The following GRID2 variants were observed in gnomAD, a reference collection of about 807,000 sequenced individuals.
GRID2 encodes glutamate ionotropic receptor delta type subunit 2.
GRID2 carries 33 observed loss-of-function variants against 114.8 expected under a neutral mutation model. The ratio of observed to expected loss-of-function variants is 0.29; its 90% CI spans 0.22 to 0.38. GRID2 has a LOEUF of 0.38. GRID2 is among the 10% of genes least tolerant of loss of function. The pLI is 1.00. For synonymous variants in GRID2, 505 were observed against 449.9 expected, an observed-to-expected ratio of 1.12 and a Z score of -1.55; for missense variants, 1,184 against 1,257.7, an observed-to-expected ratio of 0.94 and a Z score of 0.89.
At chr4:92,837,666 G>A (rs907882087) in intron 2 of GRID2, among the ~76,000 whole-genome samples, 1 of 152,032 alleles carries the variant, frequency 6.6e-6, no homozygotes, top group Non-Finnish European at 1.5e-5. Context: ...ATAATCAGAA[G>A]TTAATTTGAG....
At chr4:93,703,045 T>G (rs1177083100) in intron 14 of GRID2, among the ~76,000 whole-genome samples, 1 of 152,148 alleles carries the variant, frequency 6.6e-6, no homozygotes, top group Non-Finnish European at 1.5e-5. Context: ...ATTTTCACTC[T>G]TACTTGATAT....
chr4:92,319,178 G>A (rs1726173311), intron 1 of GRID2, among the ~76,000 whole-genome samples: 1 of 152,090 alleles, frequency 6.6e-6, no homozygotes, highest in Non-Finnish European at 1.5e-5. Flanking sequence ...CTCCTAAGAA[G>A]TGAATTTTTC....
chr4:93,062,249 T>C (rs2149294212), intron 2 of GRID2, among the ~76,000 whole-genome samples: 1 of 152,292 alleles, frequency 6.6e-6, no homozygotes, highest in South Asian at 2.1e-4. Context: ...GGGAATATAA[T>C]TTGATAATAT....
intron 1 of GRID2, among the ~76,000 whole-genome samples, chr4:93,803,605 C>G (rs1578803386): frequency 6.6e-6 from 1 of 152,082 alleles, no homozygotes; most frequent in African/African-American, 2.4e-5. Flanking sequence ...ACCTGTAGTC[C>G]TAGCCACTCG....
intron 2 of GRID2, among the ~76,000 whole-genome samples, chr4:93,039,036 C>T (rs147519404): frequency 4.6e-4 from 70 of 152,220 alleles, no homozygotes; most frequent in Middle Eastern, 6.8e-3. Context: ...TATTGGGTTA[C>T]TATTCACAAT....
In GRID2 at chr4:92,372,367, C is replaced by T. The variant is rs529573577; in HGVS notation, c.88+67623C>T. ...TTGATGTGGCAAACTTCATTGTTAT[C>T]TTGTTTTAAGAAATTGCCACAACCA... On this transcript the variant is annotated intron_variant, in intron 1 of 15. Transcript: ENST00000282020. Among the ~76,000 whole-genome samples, 247 of 152,152 alleles carry T rather than the reference C, an allele frequency of 1.6e-3. 2 individuals carry two copies. Among genetic ancestry groups the T allele is most frequent in the Middle Eastern group, 6.8e-3 (2 of 294 alleles).
At chr4:92,622,655 AG>A (rs1730328298) in intron 2 of GRID2, among the ~76,000 whole-genome samples, 5 of 151,890 alleles carry the variant, frequency 3.3e-5, no homozygotes, top group African/African-American at 1.2e-4. Context: ...TAGCATTGAT[AG>A]AGTGTATTAT....
At chr4:92,393,686 T>C (rs1265058386) in intron 1 of GRID2, among the ~76,000 whole-genome samples, 1 of 152,164 alleles carries the variant, frequency 6.6e-6, no homozygotes, top group Admixed American at 6.6e-5. Context: ...CATGATCAAG[T>C]TGCTCTTTAG....
At position 93,717,409 on chromosome 4, in the gene GRID2, GT is replaced by G. The variant is rs11405578; in HGVS notation, c.2361-51791del. 1.5e-4 allele frequency among the ~76,000 whole-genome samples: 22 copies of G among 148,548 alleles called. No homozygotes were observed. In the South Asian group the frequency reaches 2.1e-3, roughly 14 times the overall value. On this transcript the variant is annotated intron_variant, in intron 14 of 15. Coordinates refer to ENST00000282020, the MANE Select transcript of GRID2 (RefSeq NM_001510.4). Reference sequence around the variant, plus strand: ...TGCCTGTATTGATGCTGTAATAGGTGTTTTTTTTTTAGAGTAACTGACTAGT... The same window carrying G: ...TGCCTGTATTGATGCTGTAATAGGTGTTTTTTTTTAGAGTAACTGACTAGT...
chr4:92,337,947 C>A (rs1161802423), intron 1 of GRID2, among the ~76,000 whole-genome samples: 1 of 152,046 alleles, frequency 6.6e-6, no homozygotes, highest in Non-Finnish European at 1.5e-5. Flanking sequence ...GAACTGCCTG[C>A]GTGTGTGCAT....
At chr4:93,459,183 A>G (rs1196622227) in intron 11 of GRID2, among the ~76,000 whole-genome samples, 1 of 108,828 alleles carries the variant, frequency 9.2e-6, no homozygotes, top group Non-Finnish European at 1.9e-5. Context: ...TCCATCTCAA[A>G]AAAAAAAAAA....
At chr4:92,901,527 A>C (rs903604595) in intron 2 of GRID2, among the ~76,000 whole-genome samples, 2 of 152,096 alleles carry the variant, frequency 1.3e-5, no homozygotes, top group South Asian at 4.1e-4. Flanking sequence ...TTTTGGTTTC[A>C]TATGCTTTTG....
chr4:92,791,932 A>T (rs1160889392), intron 2 of GRID2, among the ~76,000 whole-genome samples: 1 of 151,878 alleles, frequency 6.6e-6, no homozygotes, highest in African/African-American at 2.4e-5. Flanking sequence ...CATGTGTTGA[A>T]AATAGTGCTG....
chr4:93,031,802 AACTG>A (rs555983994), intron 2 of GRID2, among the ~76,000 whole-genome samples: 73 of 151,986 alleles, frequency 4.8e-4, no homozygotes, highest in African/African-American at 1.7e-3. Flanking sequence ...GCAGTGTGAG[AACTG>A]ACTAAAACAG....
rs1721597567 is a variant in GRID2, at chr4:93,638,252, T to A, written c.2360+11817T>A. On this transcript the variant is annotated intron_variant, in intron 14 of 15. Coordinates refer to ENST00000282020, the MANE Select transcript of GRID2 (RefSeq NM_001510.4). Reference sequence around the variant, plus strand: ...AATGAAAATGATCAAAATCAACATGTTTTTATTTTGTATGTTGCTGCCTAA... The same window carrying A: ...AATGAAAATGATCAAAATCAACATGATTTTATTTTGTATGTTGCTGCCTAA... Among the ~76,000 whole-genome samples, 4 of 151,918 alleles carry A rather than the reference T, an allele frequency of 2.6e-5. No homozygotes were observed. In the South Asian group the frequency reaches 8.3e-4, roughly 32 times the overall value.
chr4:92,515,206 A>G (rs1406352447), intron 1 of GRID2, among the ~76,000 whole-genome samples: 1 of 151,892 alleles, frequency 6.6e-6, no homozygotes, highest in Admixed American at 6.6e-5. Flanking sequence ...AAAATTGCTA[A>G]GCTATATTAA....
chr4:93,025,071 G>A (rs1723759177), intron 2 of GRID2, among the ~76,000 whole-genome samples: 1 of 151,306 alleles, frequency 6.6e-6, no homozygotes, highest in Admixed American at 6.6e-5. Flanking sequence ...ATTAATATTT[G>A]TTGATGGAAG....
chr4:93,406,330 A>G (rs901729157), intron 9 of GRID2, among the ~76,000 whole-genome samples: 2 of 152,202 alleles, frequency 1.3e-5, no homozygotes, highest in African/African-American at 4.8e-5. Flanking sequence ...TCCATACTGG[A>G]GACATGAAAG....
intron 14 of GRID2, among the ~76,000 whole-genome samples, chr4:93,710,427 C>T (rs570554631): frequency 1.4e-4 from 22 of 152,280 alleles, no homozygotes; most frequent in African/African-American, 4.1e-4. Flanking sequence ...TTTCGCTAAA[C>T]GAATGGAGTA....
Sources: gnomAD v4.1 joint callset for allele counts (sites outside exome capture counted in the v4.1 genomes callset) on GRCh38, gnomAD v4.1.1 for gene constraint, MANE v1.5 for transcripts, NCBI Gene and HGNC (gene_info 2026-07-23, HGNC 2026-07-21) for gene names.